The following KSR1 variants were observed in gnomAD, a reference collection of about 807,000 sequenced individuals.
KSR1 encodes kinase suppressor of ras.
Under a neutral mutation model 92.9 loss-of-function variants are expected in KSR1, and 35 were observed. The ratio of observed to expected loss-of-function variants is 0.38; its 90% CI spans 0.29 to 0.50. KSR1 has a LOEUF of 0.50. Among genes scored for constraint, KSR1 ranks in the 20% least tolerant of loss-of-function variants. The probability of loss-of-function intolerance (pLI) is 0.94; values close to 1 mark genes in which losing one functional copy is unlikely to be tolerated. For missense variants in KSR1, 972 were observed against 1,158.5 expected, an observed-to-expected ratio of 0.84 and a Z score of 2.34; for synonymous variants, 467 against 472.6, an observed-to-expected ratio of 0.99 and a Z score of 0.15.
intron 18 of KSR1, among the ~76,000 whole-genome samples, chr17:27,614,323 A>G (rs1342416989): frequency 2.6e-5 from 4 of 152,246 alleles, no homozygotes; most frequent in Admixed American, 2.0e-4. Context: ...CTCTCTTTAC[A>G]AGAGTTAGCA....
chr17:27,526,683 T>A (rs1445427840), intron 1 of KSR1: 1 of 1,534,158 alleles, frequency 6.5e-7, no homozygotes, highest in Non-Finnish European at 9.0e-7. Context: ...TTATTGGCTG[T>A]TATTCTGACA....
At chr17:27,601,547 G>A (rs2073557017) in intron 11 of KSR1, 146 bp downstream of exon 11, 9 of 709,428 alleles carry the variant, frequency 1.3e-5, no homozygotes, top group Non-Finnish European at 2.1e-5. Flanking sequence ...GCCCATAGAG[G>A]ATGGGAAGAG....
intron 10 of KSR1, among the ~76,000 whole-genome samples, chr17:27,598,705 G>A (rs1387570640): frequency 6.6e-6 from 1 of 152,224 alleles, no homozygotes; most frequent in African/African-American, 2.4e-5. Flanking sequence ...GAACACGGCA[G>A]TCACAGAAAA....
At chr17:27,542,213 C>T (rs957969472) in intron 1 of KSR1, among the ~76,000 whole-genome samples, 1 of 152,124 alleles carries the variant, frequency 6.6e-6, no homozygotes, top group Admixed American at 6.5e-5. Context: ...TGGTACCATA[C>T]ATAAGGAAAA....
chr17:27,619,926 G>A (rs1057015784), intron 19 of KSR1, among the ~76,000 whole-genome samples: 23 of 152,090 alleles, frequency 1.5e-4, no homozygotes, highest in African/African-American at 5.6e-4. Flanking sequence ...GTTGGCCAGG[G>A]TGGTCTCAAA....
intron 2 of KSR1, among the ~76,000 whole-genome samples, chr17:27,561,841 G>A (rs1016512038): frequency 1.3e-5 from 2 of 152,096 alleles, no homozygotes; most frequent in Non-Finnish European, 2.9e-5. Context: ...CTTGGTGTTT[G>A]TTTGTTTGTC....
chr17:27,579,061 G>A (rs766964096), intron 3 of KSR1: 4 of 152,282 alleles, frequency 2.6e-5, no homozygotes, highest in Non-Finnish European at 4.4e-5. Flanking sequence ...GCATTTTCTG[G>A]GTTTCTTCTC....
intron 2 of KSR1, among the ~76,000 whole-genome samples, chr17:27,573,919 A>G (rs541550599): frequency 6.6e-6 from 1 of 152,366 alleles, no homozygotes; most frequent in African/African-American, 2.4e-5. Flanking sequence ...TGAGAACTTG[A>G]AACTTGGTAT....
chr17:27,575,472 T>C (rs1471853815), intron 2 of KSR1, among the ~76,000 whole-genome samples: 4 of 152,222 alleles, frequency 2.6e-5, no homozygotes, highest in Admixed American at 6.5e-5. Flanking sequence ...TCACTTGGGA[T>C]ACCATCTTGG....
intron 2 of KSR1, 99 bp downstream of exon 2, chr17:27,550,807 G>A (rs564129235): frequency 2.1e-5 from 14 of 667,026 alleles, no homozygotes; most frequent in Admixed American, 2.1e-4. Flanking sequence ...CTAAGACTAA[G>A]GGTTGATGCT....
At chr17:27,480,006 A>G (rs2068464850) in intron 1 of KSR1, among the ~76,000 whole-genome samples, 1 of 152,180 alleles carries the variant, frequency 6.6e-6, no homozygotes, top group Non-Finnish European at 1.5e-5. Flanking sequence ...CATTCAGGGA[A>G]AAGTTTAATG....
rs1051317945 is a variant in KSR1, at chr17:27,572,041, G to A, written c.373-5451G>A. On this transcript the variant is annotated intron_variant, in intron 2 of 20. Coordinates refer to ENST00000644974, the MANE Select transcript of KSR1 (RefSeq NM_001394583.1). Reference sequence around the variant, plus strand: ...CAGCTGCTGGGGGAGGGGGTAGCACGTTGCCCAAACCCATCCTCACCCTCC... The same window carrying A: ...CAGCTGCTGGGGGAGGGGGTAGCACATTGCCCAAACCCATCCTCACCCTCC... 4.6e-5 allele frequency among the ~76,000 whole-genome samples: 7 copies of A among 152,314 alleles called. No homozygotes were observed. In the South Asian group the frequency reaches 6.2e-4, roughly 14 times the overall value.
intron 2 of KSR1, among the ~76,000 whole-genome samples, chr17:27,569,371 G>T (rs1382615525): frequency 6.6e-6 from 1 of 152,096 alleles, no homozygotes; most frequent in Non-Finnish European, 1.5e-5. Context: ...TGCAGAGAAA[G>T]GTGACAAGAT....
chr17:27,539,935 G>A (rs1208568819), intron 1 of KSR1, among the ~76,000 whole-genome samples: 1 of 152,234 alleles, frequency 6.6e-6, no homozygotes, highest in Non-Finnish European at 1.5e-5. Flanking sequence ...CTTCCTCTTT[G>A]GTTCTGCTGC....
At chr17:27,510,804 G>A (rs939329464) in intron 1 of KSR1, among the ~76,000 whole-genome samples, 1 of 152,254 alleles carries the variant, frequency 6.6e-6, no homozygotes, top group Admixed American at 6.5e-5. Flanking sequence ...CCATTTCCTG[G>A]CTCAATTCTC....
At chr17:27,475,866 T>C (rs1288205913) in intron 1 of KSR1, among the ~76,000 whole-genome samples, 1 of 152,202 alleles carries the variant, frequency 6.6e-6, no homozygotes, top group African/African-American at 2.4e-5. Context: ...ATGAGCATAT[T>C]CATACTGTTA....
chr17:27,545,170 G>T (rs1200890052), intron 1 of KSR1, among the ~76,000 whole-genome samples: 2 of 152,180 alleles, frequency 1.3e-5, no homozygotes, highest in Non-Finnish European at 2.9e-5. Flanking sequence ...CTACCCATGG[G>T]CCTGCTTTGG....
chr17:27,585,760 G>A (rs373975969), intron 5 of KSR1, 99 bp downstream of exon 5: 18 of 718,738 alleles, frequency 2.5e-5, no homozygotes, highest in African/African-American at 1.0e-4. Context: ...CTCTTAGCCC[G>A]TTCAGCCTCT....
intron 1 of KSR1, among the ~76,000 whole-genome samples, chr17:27,548,685 C>T (rs948952229): frequency 1.3e-5 from 2 of 152,138 alleles, no homozygotes; most frequent in African/African-American, 2.4e-5. Flanking sequence ...CAAAAATTAG[C>T]CCTTTATGGT....
Sources: gnomAD v4.1 joint callset for allele counts (sites outside exome capture counted in the v4.1 genomes callset) on GRCh38, gnomAD v4.1.1 for gene constraint, MANE v1.5 for transcripts, NCBI Gene and HGNC (gene_info 2026-07-23, HGNC 2026-07-21) for gene names.